SLIT3: variants seen among roughly 807,000 people sequenced by gnomAD.
SLIT3 encodes slit homolog 3 protein.
In SLIT3, 68 loss-of-function variants were observed where a neutral mutation model predicts 184.0. The observed-to-expected ratio is 0.37, with a 90% CI of 0.30 to 0.45. The LOEUF (loss-of-function observed/expected upper bound fraction) is 0.45, where lower values mean the gene tolerates loss of function less well. SLIT3 is among the 20% of genes least tolerant of loss of function. The pLI is 1.00. For missense variants in SLIT3, 1,707 were observed against 2,026.0 expected (o/e 0.84, Z 3.02); for synonymous variants, 831 against 828.6 (o/e 1.00, Z -0.05).
At chr5:168,846,392 T>A (rs991872981) in intron 5 of SLIT3, among the ~76,000 whole-genome samples, 9 of 152,112 alleles carry the variant, frequency 5.9e-5, no homozygotes, top group Admixed American at 5.9e-4. Flanking sequence ...TTCACACGGG[T>A]TTGCTAAGCC....
chr5:168,913,213 G>T (rs1252265271), intron 4 of SLIT3, among the ~76,000 whole-genome samples: 5 of 151,088 alleles, frequency 3.3e-5, no homozygotes, highest in Non-Finnish European at 7.4e-5. Flanking sequence ...TAGGGTCAGG[G>T]TTAGGGTTTG....
At chr5:169,058,356 A>G (rs1049576433) in intron 4 of SLIT3, among the ~76,000 whole-genome samples, 2 of 152,186 alleles carry the variant, frequency 1.3e-5, no homozygotes, top group Admixed American at 6.5e-5. Flanking sequence ...AAACAAGGGA[A>G]GCCAGGAAGG....
intron 1 of SLIT3, among the ~76,000 whole-genome samples, chr5:169,299,178 T>C (rs956990580): frequency 2.6e-5 from 4 of 152,200 alleles, no homozygotes; most frequent in African/African-American, 9.6e-5. Context: ...CCTTTAGGAT[T>C]CTGTGGTTCA....
intron 3 of SLIT3, among the ~76,000 whole-genome samples, chr5:169,204,467 A>C (rs1237464182): frequency 1.3e-5 from 2 of 152,236 alleles, no homozygotes; most frequent in East Asian, 3.8e-4. Context: ...TTTATTGTTT[A>C]AGATGGAGGA....
chr5:168,835,810 C>CAAAAAAAAAA (rs11427871), intron 6 of SLIT3, among the ~76,000 whole-genome samples: 1 of 138,526 alleles, frequency 7.2e-6, no homozygotes, highest in African/African-American at 2.6e-5. Flanking sequence ...GACTCCATCT[C>CAAAAAAAAAA]AAAAAAAAAA....
At chr5:169,111,478 G>C (rs12108877) in intron 4 of SLIT3, among the ~76,000 whole-genome samples, 8 of 152,170 alleles carry the variant, frequency 5.3e-5, no homozygotes, top group Admixed American at 3.3e-4. Flanking sequence ...ATGGCTAGGC[G>C]TGGTGGCTCA....
chr5:169,004,147 C>T (rs1273934093), intron 4 of SLIT3, among the ~76,000 whole-genome samples: 6 of 151,602 alleles, frequency 4.0e-5, no homozygotes, highest in South Asian at 2.1e-4. Context: ...TAGAAGCCCA[C>T]GACTGTTTTG....
intron 3 of SLIT3, among the ~76,000 whole-genome samples, chr5:169,198,459 C>T (rs1378784205): frequency 6.6e-6 from 1 of 152,200 alleles, no homozygotes; most frequent in Non-Finnish European, 1.5e-5. Flanking sequence ...CAGGCTTGCA[C>T]TGCTAGAACA....
At chr5:168,878,240 G>A (rs1273847420) in intron 5 of SLIT3, among the ~76,000 whole-genome samples, 6 of 152,200 alleles carry the variant, frequency 3.9e-5, no homozygotes, top group Non-Finnish European at 8.8e-5. Context: ...CCAGCTTTCA[G>A]TAATTGCGTA....
chr5:168,957,364 C>T (rs773085609), intron 4 of SLIT3, among the ~76,000 whole-genome samples: 1 of 152,154 alleles, frequency 6.6e-6, no homozygotes, highest in Non-Finnish European at 1.5e-5. Context: ...TGTGCCCAGC[C>T]CCTTCAGCCC....
chr5:169,184,304 A>G (rs1195695320), intron 4 of SLIT3, among the ~76,000 whole-genome samples: 1 of 152,232 alleles, frequency 6.6e-6, no homozygotes, highest in African/African-American at 2.4e-5. Context: ...TAAGGTAGGG[A>G]AAAAACTCAC....
intron 4 of SLIT3, among the ~76,000 whole-genome samples, chr5:169,162,393 A>G (rs1030303495): frequency 6.6e-6 from 1 of 152,212 alleles, no homozygotes; most frequent in Admixed American, 6.5e-5. Context: ...CAGGAGAAGA[A>G]GTTCCTTTCC....
At chr5:168,691,503 G>A (rs1761904603) in intron 29 of SLIT3, among the ~76,000 whole-genome samples, 1 of 152,232 alleles carries the variant, frequency 6.6e-6, no homozygotes, top group South Asian at 2.1e-4. Context: ...CCTAGAGCAT[G>A]AGCTTCTGGC....
At chr5:168,671,919 C>T (rs1296621262) in intron 33 of SLIT3, among the ~76,000 whole-genome samples, 1 of 152,070 alleles carries the variant, frequency 6.6e-6, no homozygotes, top group Non-Finnish European at 1.5e-5. Context: ...AGGTGAGCTA[C>T]AGCTGAGGAG....
intron 3 of SLIT3, among the ~76,000 whole-genome samples, chr5:169,217,559 G>T (rs1023705531): frequency 1.3e-5 from 2 of 152,170 alleles, no homozygotes; most frequent in African/African-American, 4.8e-5. Flanking sequence ...TAGTGGCCCT[G>T]ATCCAGCCTG....
chr5:168,841,860 A>G (rs1233061359), intron 6 of SLIT3, among the ~76,000 whole-genome samples: 1 of 152,206 alleles, frequency 6.6e-6, no homozygotes, highest in East Asian at 1.9e-4. Context: ...CTAATGTCAG[A>G]GAAAACATAC....
intron 5 of SLIT3, among the ~76,000 whole-genome samples, chr5:168,855,075 G>A (rs945242114): frequency 9.2e-5 from 14 of 152,168 alleles, no homozygotes; most frequent in African/African-American, 3.4e-4. Flanking sequence ...ACAGGAGAGC[G>A]GGTACAGTCT....
intron 4 of SLIT3, among the ~76,000 whole-genome samples, chr5:169,060,752 A>C (rs1047050831): frequency 3.9e-5 from 6 of 152,192 alleles, no homozygotes. Context: ...GAACAACAGG[A>C]TGAGAGAATG....
In SLIT3 at chr5:168,718,677, T is replaced by TACACACACAC. The variant is rs1163238928; in HGVS notation, c.2483+3569_2483+3578dup. Among the ~76,000 whole-genome samples, 1,023 of 108,668 alleles carry TACACACACAC rather than the reference T, an allele frequency of 9.4e-3. 47 individuals carry two copies. The highest frequency in any genetic ancestry group is 0.013 in the African/African-American group (395 of 30,204). The allele number at this position is 108,668 out of a possible 152,430, so 71.3% of individuals were successfully genotyped here. ...CCTGAAATGTATTCATATCCACCCA[T>TACACACACAC]ACACACACACACACACACACACACA... On this transcript the variant is annotated intron_variant, in intron 23 of 35. Transcript: ENST00000519560.
Sources: gnomAD v4.1 joint callset for allele counts (sites outside exome capture counted in the v4.1 genomes callset) on GRCh38, gnomAD v4.1.1 for gene constraint, MANE v1.5 for transcripts, NCBI Gene and HGNC (gene_info 2026-07-23, HGNC 2026-07-21) for gene names.